Variants in RNF169 observed in about 807,000 individuals in gnomAD.
RNF169 encodes E3 ubiquitin-protein ligase RNF169.
In RNF169, 24 loss-of-function variants were observed where a neutral mutation model predicts 53.9. The ratio of observed to expected loss-of-function variants is 0.45; its 90% CI spans 0.32 to 0.63. The LOEUF (loss-of-function observed/expected upper bound fraction) is 0.63, where lower values mean the gene tolerates loss of function less well. Among genes scored for constraint, RNF169 ranks in the 20% least tolerant of loss-of-function variants. The pLI is 0.04. For synonymous variants in RNF169, 396 were observed against 363.5 expected (o/e 1.09, Z -1.02); for missense variants, 883 against 906.2 (o/e 0.97, Z 0.33).
At chr11:74,771,259 C>G (rs949571707) in intron 1 of RNF169, among the ~76,000 whole-genome samples, 3 of 152,134 alleles carry the variant, frequency 2.0e-5, no homozygotes, top group African/African-American at 4.8e-5. Context: ...GTCTTTGGCT[C>G]TGTCTACTAC....
At chr11:74,777,637 T>G (rs1434753663) in intron 1 of RNF169, among the ~76,000 whole-genome samples, 3 of 144,036 alleles carry the variant, frequency 2.1e-5, no homozygotes, top group Non-Finnish European at 4.5e-5. Flanking sequence ...ATCCTGTTGG[T>G]CTCGGTTGTC....
At chr11:74,795,403 T>C (rs1046255533) in intron 2 of RNF169, among the ~76,000 whole-genome samples, 1 of 151,998 alleles carries the variant, frequency 6.6e-6, no homozygotes, top group Non-Finnish European at 1.5e-5. Context: ...AGGCTGGACT[T>C]GAACCTCTGG....
At chr11:74,822,079 A>AGGGTC (rs894034373) in intron 4 of RNF169, among the ~76,000 whole-genome samples, 3 of 150,658 alleles carry the variant, frequency 2.0e-5, no homozygotes, top group African/African-American at 7.3e-5. Flanking sequence ...GAGGGTGGGA[A>AGGGTC]GGGTCTTTCA....
intron 4 of RNF169, among the ~76,000 whole-genome samples, chr11:74,823,491 T>G (rs2036046082): frequency 6.6e-6 from 1 of 152,050 alleles, no homozygotes; most frequent in Non-Finnish European, 1.5e-5. Context: ...ATCCTAGCAC[T>G]TTGGGAGGCT....
chr11:74,764,476 A>T (rs904849155), intron 1 of RNF169, among the ~76,000 whole-genome samples: 2 of 152,200 alleles, frequency 1.3e-5, no homozygotes, highest in Non-Finnish European at 2.9e-5. Context: ...AAATCCTACC[A>T]TTGCACTCCA....
At chr11:74,782,419 A>T (rs568296452) in intron 1 of RNF169, among the ~76,000 whole-genome samples, 19 of 152,278 alleles carry the variant, frequency 1.2e-4, no homozygotes, top group Admixed American at 9.8e-4. Context: ...TAGGAGCATG[A>T]ACCCTATTGT....
chr11:74,762,589 G>C (rs540403538), intron 1 of RNF169, among the ~76,000 whole-genome samples: 2 of 152,290 alleles, frequency 1.3e-5, no homozygotes, highest in East Asian at 3.9e-4. Flanking sequence ...CGTCGCTCAC[G>C]CTGGGAGCTG....
intron 2 of RNF169, among the ~76,000 whole-genome samples, chr11:74,807,424 TG>T (rs1178770460): frequency 6.6e-6 from 1 of 152,220 alleles, no homozygotes; most frequent in East Asian, 1.9e-4. Flanking sequence ...TATGCTGCTC[TG>T]TCCTTCTACA....
At position 74,749,342 on chromosome 11, in the gene RNF169, C is replaced by A. The variant is rs1488097784; in HGVS notation, c.462C>A (p.Pro154=). ...RRDGGAAAAG[P]RPEQEPRAAP... is the part of the protein sequence containing the mutation. ...ACGGGGGCGCGGCTGCCGCGGGGCC[C>A]AGGCCAGAGCAGGAGCCGCGTGCCG... The change falls in exon 1 of 6, where the codon CCC becomes CCA. Residue 154 remains proline, a synonymous_variant. Transcript: ENST00000299563. 8.2e-7 allele frequency: 1 copy of A among 1,219,910 alleles called. No homozygotes were observed. The highest frequency in any genetic ancestry group is 1.0e-6 in the Non-Finnish European group (1 of 978,990). The allele number at this position is 1,219,910 out of a possible 1,614,324, so 75.6% of individuals were successfully genotyped here.
At chr11:74,773,317 A>G (rs561995789) in intron 1 of RNF169, among the ~76,000 whole-genome samples, 9 of 152,302 alleles carry the variant, frequency 5.9e-5, no homozygotes, top group African/African-American at 1.4e-4. Flanking sequence ...TTTAACACCA[A>G]TCTGATCAAT....
At chr11:74,812,552 C>T (rs1370287025) in intron 3 of RNF169, among the ~76,000 whole-genome samples, 1 of 152,118 alleles carries the variant, frequency 6.6e-6, no homozygotes, top group Non-Finnish European at 1.5e-5. Context: ...GGGATCCTCC[C>T]ACCTTAGCTT....
intron 2 of RNF169, among the ~76,000 whole-genome samples, chr11:74,807,266 T>C (rs2035819019): frequency 6.6e-6 from 1 of 152,166 alleles, no homozygotes; most frequent in South Asian, 2.1e-4. Flanking sequence ...GGGCACACTT[T>C]GGTCAATGGG....
At chr11:74,786,160 T>C (rs544573658) in intron 1 of RNF169, among the ~76,000 whole-genome samples, 6 of 151,936 alleles carry the variant, frequency 3.9e-5, no homozygotes, top group African/African-American at 1.2e-4. Flanking sequence ...AGGATGGTCT[T>C]GATCTCCTGA....
intron 4 of RNF169, among the ~76,000 whole-genome samples, chr11:74,819,224 A>C (rs1310734209): frequency 2.6e-5 from 4 of 152,162 alleles, no homozygotes; most frequent in African/African-American, 4.8e-5. Flanking sequence ...TTCTCTTGGA[A>C]CATGGACTCT....
At chr11:74,782,629 T>G (rs1043046248) in intron 1 of RNF169, among the ~76,000 whole-genome samples, 3 of 152,182 alleles carry the variant, frequency 2.0e-5, no homozygotes, top group African/African-American at 7.2e-5. Context: ...TGGCCCCTTA[T>G]GGCATGTTGA....
chr11:74,783,350 T>G (rs1054403393), intron 1 of RNF169, among the ~76,000 whole-genome samples: 1 of 152,184 alleles, frequency 6.6e-6, no homozygotes, highest in African/African-American at 2.4e-5. Flanking sequence ...CACATAAGAT[T>G]CATTTTAGGT....
At chr11:74,783,618 A>G (rs1019804422) in intron 1 of RNF169, among the ~76,000 whole-genome samples, 2 of 152,160 alleles carry the variant, frequency 1.3e-5, no homozygotes, top group African/African-American at 4.8e-5. Context: ...AAGCTGGTAG[A>G]AGGATTGGTA....
chr11:74,749,050 C>T lies in RNF169; in HGVS notation c.170C>T (p.Pro57Leu). 4.8e-6 allele frequency: 7 copies of T among 1,467,758 alleles called. No homozygotes were observed. Among genetic ancestry groups the T allele is most frequent in the Non-Finnish European group, 6.3e-6 (7 of 1,108,116 alleles). The allele number at this position is 1,467,758 out of a possible 1,614,324, so 90.9% of individuals were successfully genotyped here. A position where few individuals can be genotyped will look rare whatever the true frequency, so the allele number is the denominator to read the frequency against. The change falls in exon 1 of 6, where the codon CCG becomes CTG. Residue 57 changes from proline to leucine, a missense_variant. Pro to Leu is a moderately conservative substitution (Grantham distance 98). Transcript: ENST00000299563. The stretch of plus-strand genomic sequence containing the variant: ...GTGTTGTCGCCGCCGTTGCTGCAGC[C>T]GCCGCTGCCGCCGCGGCCGGAGGAA... ...LLVLSPPLLQ[P>L]PLPPRPEESG...
In RNF169 at chr11:74,838,481, A is replaced by T. The variant is rs1176245757; in HGVS notation, c.*1751A>T. The T allele has an allele frequency of 6.6e-6, 1 of 152,164 alleles. No individual in the cohort carries two copies. 9.4% of individuals were successfully genotyped at this position (152,164 alleles called of 1,614,324 possible). On this transcript the variant is annotated 3_prime_UTR_variant, in exon 6 of 6. Transcript: ENST00000299563. The stretch of plus-strand genomic sequence containing the variant: ...AGAGCCATTTTCTTGTGCAGCTCAT[A>T]GTTCCCAAACAGTTCCCAAACAGAA...
Sources: allele counts gnomAD v4.1 joint callset (sites outside exome capture counted in the v4.1 genomes callset), GRCh38; gene constraint gnomAD v4.1.1; transcripts MANE v1.5; gene names NCBI Gene and HGNC (gene_info 2026-07-23, HGNC 2026-07-21).